F10: variants seen among roughly 807,000 people sequenced by gnomAD.
F10 encodes the protein coagulation factor X.
A neutral mutation model predicts 37.1 loss-of-function variants in F10; 29 were observed. The observed-to-expected ratio is 0.78, with a 90% CI of 0.58 to 1.07. The LOEUF is 1.07. F10 is among the 50% of genes least tolerant of loss of function. F10 has a pLI of 0.00. For missense variants in F10, 539 were observed against 667.9 expected, an observed-to-expected ratio of 0.81 and a Z score of 2.13; for synonymous variants, 262 against 268.6, an observed-to-expected ratio of 0.98 and a Z score of 0.24.
chr13:113,123,872 C>G (rs761314561), intron 1 of F10, among the ~76,000 whole-genome samples: 1 of 152,134 alleles, frequency 6.6e-6, no homozygotes, highest in Non-Finnish European at 1.5e-5. Flanking sequence ...CTGTCTCCCA[C>G]GCGGAACGGG....
Position 113,143,860 on chromosome 13 carries a change from C to A in F10, c.512C>A (p.Pro171His). The A allele has an allele frequency of 6.2e-7, 1 of 1,612,676 alleles. No homozygotes were observed. ...GKACIPTGPY[P>H]CGKQTLERRK... ...GTCCTCTTTCTTTCAGGGCCCTACC[C>A]CTGTGGGAAACAGACCCTGGAACGC... The change falls in exon 6 of 8, where the codon CCC becomes CAC. Residue 171 changes from proline (P) to histidine (H), a missense_variant. This residue lies in a region of F10 where 409 missense variants were observed against 547.9 expected (regional missense o/e 0.75). Coordinates refer to ENST00000375559, the MANE Select transcript of F10 (RefSeq NM_000504.4). This position sits in a 1 kb window ranked among gnomAD's most constrained non-coding sequence, Gnocchi z 6.8.
In F10 at chr13:113,141,850, G is replaced by T. The variant is rs1243106389; in HGVS notation, c.502+800G>T. ...GCATATTCGAAGGGCAGAGTTCCAGGCCCGCCTTTTCAAGAGCCTGGTGAC... is the reference window on the plus strand; with the variant it reads ...GCATATTCGAAGGGCAGAGTTCCAGTCCCGCCTTTTCAAGAGCCTGGTGAC... On this transcript the variant is annotated intron_variant, in intron 5 of 7. Coordinates refer to ENST00000375559, the MANE Select transcript of F10 (RefSeq NM_000504.4). The surrounding 1 kb of genome is among the most constrained non-coding windows in gnomAD (Gnocchi z 5.4). Among the ~76,000 whole-genome samples, 1 of 152,316 alleles carries T rather than the reference G, an allele frequency of 6.6e-6. No individual in the cohort carries two copies. Among genetic ancestry groups the T allele is most frequent in the South Asian group, 2.1e-4 (1 of 4,826 alleles).
At chr13:113,135,834 A>G (rs554480813) in intron 2 of F10, among the ~76,000 whole-genome samples, 1 of 152,344 alleles carries the variant, frequency 6.6e-6, no homozygotes, top group South Asian at 2.1e-4. Flanking sequence ...GGAGCTAGGC[A>G]AAAATTCTTA....
Position 113,122,847 on chromosome 13 carries a change from G to T in F10, c.-9G>T. On this transcript the variant is annotated 5_prime_UTR_variant, in exon 1 of 8. Transcript: ENST00000375559. ...CAGTGAGGACAGGGACACAGTACTC[G>T]GCCACACCATGGGGCGCCCACTGCA... 1 of 1,609,602 alleles carries T rather than the reference G, an allele frequency of 6.2e-7. No individual in the cohort carries two copies.
At chr13:113,125,384 C>G (rs1170004931) in intron 1 of F10, among the ~76,000 whole-genome samples, 1 of 152,180 alleles carries the variant, frequency 6.6e-6, no homozygotes, top group Admixed American at 6.5e-5. Context: ...AAAACTTGCT[C>G]AAATGCAGTT....
chr13:113,149,383 C>T lies in F10; in HGVS notation c.1333C>T (p.Arg445Cys), dbSNP rs765479486. Residue 445 changes from arginine to cysteine, a missense_variant, in exon 8 of 8, where the codon CGT becomes TGT. Around this residue, in one of 2 missense-constraint regions of F10, gnomAD observed 409 missense variants for 547.9 expected, o/e 0.75. Coordinates refer to ENST00000375559, the MANE Select transcript of F10 (RefSeq NM_000504.4). This position sits in a 1 kb window ranked among gnomAD's most constrained non-coding sequence, Gnocchi z 7.5. ...CGTCAGCTGGGGAGAGGGCTGTGCC[C>T]GTAAGGGGAAGTACGGGATCTACAC... ...GIVSWGEGCA[R>C]KGKYGIYTKV... The T allele has an allele frequency of 6.9e-6, 10 of 1,453,854 alleles. No individual in the cohort carries two copies. The Admixed American group carries it at 1.2e-4, about 17-fold the overall frequency. 90.1% of individuals were successfully genotyped at this position (1,453,854 alleles called of 1,614,324 possible).
Position 113,122,862 on chromosome 13 carries a change from C to G in F10, c.7C>G (p.Arg3Gly). MGRPLHLVLLSAS... is the reference protein window; with the variant it reads MGGPLHLVLLSAS... The stretch of plus-strand genomic sequence containing the variant: ...CACAGTACTCGGCCACACCATGGGG[C>G]GCCCACTGCACCTCGTCCTGCTCAG... Residue 3 changes from arginine (R) to glycine (G), a missense_variant, in exon 1 of 8, where the codon CGC becomes GGC. Physicochemically the swap from Arg to Gly is moderately radical, Grantham distance 125. Around this residue, in one of 2 missense-constraint regions of F10, gnomAD observed 130 missense variants for 120.0 expected, o/e 1.08. Coordinates refer to ENST00000375559, the MANE Select transcript of F10 (RefSeq NM_000504.4). 2 of 1,610,466 alleles carry G rather than the reference C, an allele frequency of 1.2e-6. No individual in the cohort carries two copies.
At chr13:113,133,511 A>C (rs927605621) in intron 2 of F10, among the ~76,000 whole-genome samples, 2 of 152,218 alleles carry the variant, frequency 1.3e-5, no homozygotes, top group African/African-American at 4.8e-5. Flanking sequence ...CACAAGGTGA[A>C]AGAGATACCT....
chr13:113,131,331 G>C (rs1566916557), intron 2 of F10: 1 of 152,216 alleles, frequency 6.6e-6, no homozygotes, highest in Non-Finnish European at 1.5e-5. Context: ...TATATGGTCT[G>C]TGCAGACTGT....
At chr13:113,142,357 C>A (rs961807913) in intron 5 of F10, among the ~76,000 whole-genome samples, 18 of 148,226 alleles carry the variant, frequency 1.2e-4, no homozygotes, top group Non-Finnish European at 2.2e-4. Context: ...CTGGCCAACA[C>A]AGTGAAACCC....
In F10 at chr13:113,140,191, A is replaced by G. The variant is rs374668051; in HGVS notation, c.370+721A>G. Among the ~76,000 whole-genome samples the G allele has an allele frequency of 7.2e-4, 108 of 149,400 alleles. 1 individual carries two copies. The highest frequency in any genetic ancestry group is 2.6e-3 in the African/African-American group (104 of 40,466). On this transcript the variant is annotated intron_variant, in intron 4 of 7. Transcript: ENST00000375559. ...CAGGTTCACGCCATTCTCCTGCCTC[A>G]GCCTCCCAAGTAGCTGGGACTATAG...
At chr13:113,128,675 C>T (rs1451209063) in intron 1 of F10, 1 of 152,150 alleles carries the variant, frequency 6.6e-6, no homozygotes, top group Non-Finnish European at 1.5e-5. Flanking sequence ...GCCTGGCCAA[C>T]ATGGTGAAAC....
In F10 at chr13:113,139,467, T is replaced by G; in HGVS notation, c.367T>G (p.Leu123Val). The change falls in exon 4 of 8, where the codon TTA becomes GTA. Residue 123 changes from leucine (L) to valine (V), a missense_variant. Leu to Val is a conservative substitution (Grantham distance 32). Around this residue, in one of 2 missense-constraint regions of F10, gnomAD observed 409 missense variants for 547.9 expected, o/e 0.75. Coordinates refer to ENST00000375559, the MANE Select transcript of F10 (RefSeq NM_000504.4). This position sits in a 1 kb window ranked among gnomAD's most constrained non-coding sequence, Gnocchi z 5.2. ...AGGATTCGAAGGCAAAAACTGTGAA[T>G]TATGTAGGTTCCTCTGCTTGGTATA... ...LEGFEGKNCE[L>V]FTRKLCSLDN... 1 of 1,612,262 alleles carries G rather than the reference T, an allele frequency of 6.2e-7. No homozygotes were observed. Among genetic ancestry groups the G allele is most frequent in the East Asian group, 2.2e-5 (1 of 44,870 alleles).
intron 2 of F10, among the ~76,000 whole-genome samples, chr13:113,133,539 T>C (rs2138533548): frequency 6.6e-6 from 1 of 152,318 alleles, no homozygotes; most frequent in East Asian, 1.9e-4. Flanking sequence ...CAATTCTTAA[T>C]TTAAAACCTT....
intron 2 of F10, chr13:113,129,995 C>G: frequency 2.9e-6 from 1 of 341,218 alleles, no homozygotes; most frequent in African/African-American, 2.1e-5. Flanking sequence ...CGCCCGCAGC[C>G]CGCGTCCTGC....
chr13:113,129,936 T>A (rs1276612509), intron 2 of F10: 2 of 361,210 alleles, frequency 5.5e-6, no homozygotes, highest in African/African-American at 4.2e-5. Flanking sequence ...AGTCATGGTC[T>A]CGGCCAGCGC....
At position 113,146,071 on chromosome 13, in the gene F10, C is replaced by G. The variant is rs1241734671; in HGVS notation, c.748-1308C>G. ...GAATTCCCCCAGGTCTTCCCCCACC[C>G]CAGACCGTGTGGCGGGTGAGCCTCT... On this transcript the variant is annotated intron_variant, in intron 6 of 7. Transcript: ENST00000375559. This position sits in a 1 kb window ranked among gnomAD's most constrained non-coding sequence, Gnocchi z 4.5. 1.3e-5 allele frequency among the ~76,000 whole-genome samples: 2 copies of G among 152,196 alleles called. No homozygotes were observed. Among genetic ancestry groups the G allele is most frequent in the Admixed American group, 1.3e-4 (2 of 15,280 alleles).
chr13:113,142,273 A>G (rs116942869), intron 5 of F10, among the ~76,000 whole-genome samples: 9,026 of 152,212 alleles, frequency 0.059, 345 homozygotes, highest in Middle Eastern at 0.099. Context: ...CGGGTGCAGT[A>G]GCTCATGCCT....
At chr13:113,138,622 A>G (rs1341172486) in intron 3 of F10, 141 bp downstream of exon 3, 3 of 612,452 alleles carry the variant, frequency 4.9e-6, no homozygotes, top group Non-Finnish European at 8.9e-6. Context: ...TGTTTCCATA[A>G]TAGTTATTGT....
Sources: allele counts gnomAD v4.1 joint callset (sites outside exome capture counted in the v4.1 genomes callset), GRCh38; gene constraint gnomAD v4.1.1; regional missense constraint gnomAD v4.1.1; non-coding constraint Gnocchi (gnomAD v3.1); transcripts MANE v1.5; gene names NCBI Gene and HGNC (gene_info 2026-07-23, HGNC 2026-07-21).